Variants in PHYHIP observed in about 807,000 individuals in gnomAD.
The protein encoded by PHYHIP is phytanoyl-CoA hydroxylase-interacting protein.
PHYHIP carries 7 observed loss-of-function variants against 26.1 expected under a neutral mutation model. The observed-to-expected ratio is 0.27, with a 90% CI of 0.15 to 0.50. PHYHIP has a LOEUF of 0.50. PHYHIP is among the 20% of genes least tolerant of loss of function. The pLI, the probability that PHYHIP is intolerant of heterozygous loss-of-function variation, is 0.98. For missense variants in PHYHIP, 232 were observed against 454.7 expected, an observed-to-expected ratio of 0.51 and a Z score of 4.45; for synonymous variants, 206 against 183.4, an observed-to-expected ratio of 1.12 and a Z score of -1.00.
intron 4 of PHYHIP, among the ~76,000 whole-genome samples, 196 bp from the exon 5 acceptor site, chr8:22,222,083 CA>C (rs1324650421): frequency 6.6e-6 from 1 of 152,138 alleles, no homozygotes; most frequent in Non-Finnish European, 1.5e-5. Flanking sequence ...GGGATTCAAC[CA>C]GCCCACTCCT....
intron 2 of PHYHIP, 115 bp from the exon 3 acceptor site, chr8:22,227,140 C>A (rs4871975): frequency 1.1e-6 from 1 of 896,344 alleles, no homozygotes; most frequent in Non-Finnish European, 1.7e-6. Flanking sequence ...TGAGCAGGAC[C>A]AATCTTGAGG....
rs768047658 is a variant in PHYHIP at position 22,221,306 on chromosome 8, C to T, written c.*47G>A. ...CTCCCTGAACCTGGGCTACCCACCT[C>T]CACCTTCCGCTCATCTCTCCCTCGC... On this transcript the variant is annotated 3_prime_UTR_variant, in exon 5 of 5. Coordinates refer to ENST00000454243, the MANE Select transcript of PHYHIP (RefSeq NM_014759.5). The surrounding 1 kb of genome is among the most constrained non-coding windows in gnomAD (Gnocchi z 7.9). 4.5e-5 allele frequency: 68 copies of T among 1,510,684 alleles called. No individual in the cohort carries two copies. Among genetic ancestry groups the T allele is most frequent in the Non-Finnish European group, 5.9e-5 (66 of 1,127,138 alleles). 93.6% of individuals were successfully genotyped at this position (1,510,684 alleles called of 1,614,324 possible).
intron 2 of PHYHIP, 49 bp downstream of exon 2, chr8:22,228,144 C>T (rs1424801544): frequency 2.6e-6 from 4 of 1,545,978 alleles, no homozygotes; most frequent in Non-Finnish European, 3.6e-6. Context: ...ATCCGGCCTC[C>T]TTCAGGAACA....
At chr8:22,226,389 G>A (rs2131927593) in intron 3 of PHYHIP, among the ~76,000 whole-genome samples, 1 of 152,256 alleles carries the variant, frequency 6.6e-6, no homozygotes, top group East Asian at 1.9e-4. Flanking sequence ...AGAGGGAAAT[G>A]GGGGGCGGTT....
chr8:22,231,019 T>C (rs1829856600), intron 1 of PHYHIP, among the ~76,000 whole-genome samples: 1 of 152,130 alleles, frequency 6.6e-6, no homozygotes, highest in South Asian at 2.1e-4. Context: ...TCTGGTATTC[T>C]CTCTCGAATC....
At chr8:22,222,851 C>A (rs1829658649) in intron 4 of PHYHIP, among the ~76,000 whole-genome samples, 1 of 152,038 alleles carries the variant, frequency 6.6e-6, no homozygotes, top group Non-Finnish European at 1.5e-5. Context: ...CAATCCACAC[C>A]CGGCTAATTC....
intron 2 of PHYHIP, among the ~76,000 whole-genome samples, chr8:22,227,321 G>A (rs1299736516): frequency 3.3e-5 from 5 of 152,324 alleles, no homozygotes; most frequent in Non-Finnish European, 7.4e-5. Context: ...GACTTTGAGA[G>A]CTCTGCACAC....
In PHYHIP at chr8:22,221,222, C is replaced by T. The variant is rs981904102; in HGVS notation, c.*131G>A. 1.3e-5 allele frequency: 11 copies of T among 860,774 alleles called. No individual in the cohort carries two copies. Among genetic ancestry groups the T allele is most frequent in the South Asian group, 3.9e-5 (2 of 51,872 alleles). 53.3% of individuals were successfully genotyped at this position (860,774 alleles called of 1,614,324 possible). On this transcript the variant is annotated 3_prime_UTR_variant, in exon 5 of 5. Coordinates refer to ENST00000454243, the MANE Select transcript of PHYHIP (RefSeq NM_014759.5). This position sits in a 1 kb window ranked among gnomAD's most constrained non-coding sequence, Gnocchi z 7.9. ...GTCTGTTGCCTCCAATGCCAAGGGG[C>T]GAGGGGAGGGCAGCTGGGCAGAGTG... is the stretch of plus-strand genomic sequence containing the variant.
chr8:22,223,511 C>A (rs1490999559), intron 4 of PHYHIP, among the ~76,000 whole-genome samples: 2 of 152,108 alleles, frequency 1.3e-5, no homozygotes, highest in African/African-American at 2.4e-5. Flanking sequence ...TCCTCAGTAA[C>A]AAGTGACTCC....
Position 22,221,030 on chromosome 8 carries a change from G to T in PHYHIP, c.*323C>A, listed in dbSNP as rs1007443762. 1.7e-5 allele frequency: 5 copies of T among 295,296 alleles called. No homozygotes were observed. The highest frequency in any genetic ancestry group is 3.2e-5 in the Non-Finnish European group (5 of 157,598). 18.3% of individuals were successfully genotyped at this position (295,296 alleles called of 1,614,324 possible). ...CTGGGAGAGCCCAGGAGGTGGGCAG[G>T]TCTTTGGGAGATAGAGACCTGGACG... On this transcript the variant is annotated 3_prime_UTR_variant, in exon 5 of 5. Coordinates refer to ENST00000454243, the MANE Select transcript of PHYHIP (RefSeq NM_014759.5). The surrounding 1 kb of genome is among the most constrained non-coding windows in gnomAD (Gnocchi z 7.9).
chr8:22,230,228 C>A (rs1045556161), intron 1 of PHYHIP, among the ~76,000 whole-genome samples: 1 of 151,996 alleles, frequency 6.6e-6, no homozygotes, highest in East Asian at 1.9e-4. Context: ...CACACACACA[C>A]GAACACAGAC....
At chr8:22,223,141 T>A (rs1829666079) in intron 4 of PHYHIP, among the ~76,000 whole-genome samples, 1 of 151,830 alleles carries the variant, frequency 6.6e-6, no homozygotes, top group Non-Finnish European at 1.5e-5. Context: ...GGTGGGCGGA[T>A]CACCTGAGGT....
In PHYHIP at chr8:22,227,031, A is replaced by G. The variant is rs1449763284; in HGVS notation, c.166-6T>C. On this transcript the variant is annotated splice_region_variant and splice_polypyrimidine_tract_variant and intron_variant, in intron 2 of 4. Coordinates refer to ENST00000454243, the MANE Select transcript of PHYHIP (RefSeq NM_014759.5). ...ACGAGCTTGGTGGGGACGTCCTGAG[A>G]AACAGGGTACAAACAGAGAGCCAGG... 3 of 1,608,260 alleles carry G rather than the reference A, an allele frequency of 1.9e-6. No individual in the cohort carries two copies. The highest frequency in any genetic ancestry group is 3.4e-5 in the Admixed American group (2 of 59,516).
At chr8:22,226,159 A>G (rs186511713) in intron 3 of PHYHIP, among the ~76,000 whole-genome samples, 2 of 152,370 alleles carry the variant, frequency 1.3e-5, no homozygotes, top group East Asian at 3.9e-4. Context: ...GTGAAGGCTC[A>G]GAACAAGTGA....
At chr8:22,227,453 A>T (rs1360895422) in intron 2 of PHYHIP, among the ~76,000 whole-genome samples, 4 of 152,174 alleles carry the variant, frequency 2.6e-5, no homozygotes, top group African/African-American at 9.7e-5. Flanking sequence ...CACCGTGGCA[A>T]CTGGCCTGCC....
chr8:22,221,281 C>T lies in PHYHIP; in HGVS notation c.*72G>A, dbSNP rs1829616552. 2 of 1,403,926 alleles carry T rather than the reference C, an allele frequency of 1.4e-6. No individual in the cohort carries two copies. Among genetic ancestry groups the T allele is most frequent in the Non-Finnish European group, 9.6e-7 (1 of 1,046,466 alleles). The allele number at this position is 1,403,926 out of a possible 1,614,324, so 87.0% of individuals were successfully genotyped here. On this transcript the variant is annotated 3_prime_UTR_variant, in exon 5 of 5. Transcript: ENST00000454243. The surrounding 1 kb of genome is among the most constrained non-coding windows in gnomAD (Gnocchi z 7.9). ...AGGGGGGCAGGAGAGAGAAAGCCAG[C>T]TCCCTGAACCTGGGCTACCCACCTC...
intron 4 of PHYHIP, 97 bp downstream of exon 4, chr8:22,224,129 C>T (rs904358993): frequency 7.9e-6 from 6 of 759,132 alleles, no homozygotes; most frequent in Admixed American, 5.5e-5. Flanking sequence ...CTGGCAGCCA[C>T]GAGGGTGGGG....
intron 2 of PHYHIP, 52 bp from the exon 3 acceptor site, chr8:22,227,077 C>G: frequency 6.6e-7 from 1 of 1,508,806 alleles, no homozygotes; most frequent in Non-Finnish European, 9.0e-7. Flanking sequence ...GGGTTCATGC[C>G]CAATCTGGGC....
chr8:22,225,931 G>A (rs535279787), intron 3 of PHYHIP, among the ~76,000 whole-genome samples: 10 of 152,160 alleles, frequency 6.6e-5, no homozygotes, highest in Non-Finnish European at 1.5e-4. Context: ...TCAGAGGCCC[G>A]GGGCTGAGAA....
Sources: gnomAD v4.1 joint callset for allele counts (sites outside exome capture counted in the v4.1 genomes callset) on GRCh38, gnomAD v4.1.1 for gene constraint, Gnocchi (gnomAD v3.1) non-coding constraint, MANE v1.5 for transcripts, NCBI Gene and HGNC (gene_info 2026-07-23, HGNC 2026-07-21) for gene names.